The following SLC17A2 variants were observed in gnomAD, a reference collection of about 807,000 sequenced individuals.
SLC17A2 encodes the protein solute carrier family 17 member 2, also known as sodium-dependent phosphate transport protein 3.
In SLC17A2, 38 loss-of-function variants were observed where a neutral mutation model predicts 52.1. The ratio of observed to expected loss-of-function variants is 0.73; its 90% CI spans 0.56 to 0.96. The LOEUF is 0.96. Among genes scored for constraint, SLC17A2 ranks in the 40% least tolerant of loss-of-function variants. The pLI, the probability that SLC17A2 is intolerant of heterozygous loss-of-function variation, is 0.00. For synonymous variants in SLC17A2, 226 were observed against 211.9 expected, an observed-to-expected ratio of 1.07 and a Z score of -0.58; for missense variants, 508 against 583.9, an observed-to-expected ratio of 0.87 and a Z score of 1.34.
intron 1 of SLC17A2, among the ~76,000 whole-genome samples, chr6:25,926,661 A>G (rs1766775213): frequency 6.6e-6 from 1 of 152,234 alleles, no homozygotes; most frequent in Non-Finnish European, 1.5e-5. Context: ...AAAAATCCAT[A>G]TCCTAAGAAT....
chr6:25,920,862 C>G (rs1368669271), intron 5 of SLC17A2, 144 bp downstream of exon 5: 7 of 692,524 alleles, frequency 1.0e-5, no homozygotes, highest in African/African-American at 1.8e-5. Flanking sequence ...TGCATCTTTC[C>G]TATTTGTGAT....
Position 25,915,523 on chromosome 6 carries a change from A to G in SLC17A2, c.1187T>C (p.Ile396Thr), listed in dbSNP as rs749268414. 16 of 1,558,096 alleles carry G rather than the reference A, an allele frequency of 1.0e-5. No homozygotes were observed. The highest frequency in any genetic ancestry group is 1.4e-5 in the Non-Finnish European group (16 of 1,151,284). The change falls in exon 10 of 12, where the codon ATC becomes ACC. Residue 396 changes from isoleucine (I) to threonine (T), a missense_variant. Ile to Thr is a moderately conservative substitution (Grantham distance 89, BLOSUM62 -1). Transcript: ENST00000377850. ...CCTGGGGGCGATATCTAAGGTGTTG[A>G]TGATAAACCCTGAGTCACATAGGTT... The part of the protein sequence containing the change: ...TSNLCDSGFI[I>T]NTLDIAPRYA...
chr6:25,923,631 G>C, intron 3 of SLC17A2, 64 bp downstream of exon 3: 1 of 1,229,642 alleles, frequency 8.1e-7, no homozygotes, highest in Non-Finnish European at 1.2e-6. Flanking sequence ...ACAGAATCAA[G>C]ATCTATGCCT....
In SLC17A2 at chr6:25,921,087, C is replaced by A. The variant is rs774914326; in HGVS notation, c.481G>T (p.Ala161Ser). Reference protein sequence around the residue: ...RTVQGMAQGMAWTGQFTIWAK... With the variant: ...RTVQGMAQGMSWTGQFTIWAK... ...CAAATAGTAAACTGACCTGTCCATG[C>A]CATTCCCTGAAATGAAAATCATTAA... Residue 161 changes from alanine (A) to serine (S), a missense_variant, in exon 5 of 12, where the codon GCA (alanine) becomes TCA (serine). Transcript: ENST00000377850. The A allele has an allele frequency of 2.4e-5, 38 of 1,613,996 alleles. 1 individual carries two copies. The Admixed American group carries it at 6.0e-4, about 25-fold the overall frequency.
intron 2 of SLC17A2, among the ~76,000 whole-genome samples, chr6:25,924,702 G>A (rs1056192348): frequency 2.6e-5 from 4 of 151,826 alleles, no homozygotes; most frequent in Admixed American, 1.3e-4. Context: ...CCAGCTACTC[G>A]GGAGGCTGAG....
chr6:25,924,471 A>G (rs1260309008), intron 2 of SLC17A2, among the ~76,000 whole-genome samples: 2 of 151,118 alleles, frequency 1.3e-5, no homozygotes, highest in Non-Finnish European at 2.9e-5. Context: ...TGTTATTGCT[A>G]TGTGTCACTA....
chr6:25,923,751 G>A lies in SLC17A2; in HGVS notation c.184C>T (p.Pro62Ser), dbSNP rs757877371. ...GAGTTATTGAAGGCATCTGCAACAGGCCCCTCAGTGGAGGCATTAGATAGA... is the reference window on the plus strand; with the variant it reads ...GAGTTATTGAAGGCATCTGCAACAGACCCCTCAGTGGAGGCATTAGATAGA... ...QGLSNASTEG[P>S]VADAFNNSSI... Residue 62 changes from proline (P) to serine (S), a missense_variant, in exon 3 of 12, where the codon CCT (proline) becomes TCT (serine). Transcript: ENST00000377850. The A allele has an allele frequency of 1.2e-6, 2 of 1,614,108 alleles. No homozygotes were observed. Among genetic ancestry groups the A allele is most frequent in the South Asian group, 1.1e-5 (1 of 91,076 alleles).
In SLC17A2 at chr6:25,916,848, T is replaced by G; in HGVS notation, c.769-2A>C. On this transcript the variant is annotated splice_acceptor_variant, in intron 7 of 11. Coordinates refer to ENST00000377850, the MANE Select transcript of SLC17A2 (RefSeq NM_001286123.3). LOFTEE classifies it high-confidence loss of function. ...GACAGCTCGTCCAGGAGAACTGGGC[T>G]GAAAAGAAAGATCTAATCAGCATGA... The G allele has an allele frequency of 6.2e-7, 1 of 1,614,070 alleles. No individual in the cohort carries two copies.
chr6:25,915,618 C>CA lies in SLC17A2; in HGVS notation c.1091dup (p.Ala365GlyfsTer24). The CA allele has an allele frequency of 6.2e-7, 1 of 1,613,798 alleles. No homozygotes were observed. Among genetic ancestry groups the CA allele is most frequent in the Non-Finnish European group, 8.5e-7 (1 of 1,179,854 alleles). On this transcript the variant is annotated frameshift_variant, in exon 10 of 12. Transcript: ENST00000377850. LOFTEE classifies it high-confidence loss of function. ...AACTGGAGGCCACAAAGGGCAGGGC[C>CA]ACAGCACATATTGATGGAAGGAGGA...
chr6:25,916,378 G>A (rs1766318536), intron 8 of SLC17A2, among the ~76,000 whole-genome samples: 2 of 152,144 alleles, frequency 1.3e-5, no homozygotes, highest in Admixed American at 1.3e-4. Context: ...ACCATGCCTG[G>A]CCCAGCAATA....
rs757224207 is a variant in SLC17A2 at position 25,915,506 on chromosome 6, C to T, written c.1204G>A (p.Ala402Thr). 2.6e-5 allele frequency: 40 copies of T among 1,550,604 alleles called. No individual in the cohort carries two copies. Among genetic ancestry groups the T allele is most frequent in the Admixed American group, 1.6e-4 (8 of 50,966 alleles). The change falls in exon 10 of 12, where the codon GCC (alanine) becomes ACC (threonine). Residue 402 changes from alanine (A) to threonine (T), a missense_variant. Ala to Thr is a moderately conservative substitution (Grantham distance 58, BLOSUM62 0). Transcript: ENST00000377850. ...SGFIINTLDI[A>T]PRYASFLMGI... The stretch of plus-strand genomic sequence containing the variant: ...AACAGGTAGAGCTCTTACCTGGGGG[C>T]GATATCTAAGGTGTTGATGATAAAC...
At chr6:25,927,148 A>G (rs1189272932) in intron 1 of SLC17A2, among the ~76,000 whole-genome samples, 1 of 152,218 alleles carries the variant, frequency 6.6e-6, no homozygotes, top group African/African-American at 2.4e-5. Flanking sequence ...CACAAAATTT[A>G]AAAGACTTGT....
chr6:25,918,106 A>G (rs1766397697), intron 6 of SLC17A2, among the ~76,000 whole-genome samples: 1 of 152,266 alleles, frequency 6.6e-6, no homozygotes. Context: ...AATAATAATT[A>G]TAATGAAATA....
At chr6:25,914,521 T>C (rs1259811648) in intron 11 of SLC17A2, 59 bp downstream of exon 11, 1 of 1,056,482 alleles carries the variant, frequency 9.5e-7, no homozygotes, top group Admixed American at 1.7e-5. Flanking sequence ...GCACCGTGTG[T>C]ATCTCCAACA....
chr6:25,919,183 G>A (rs1295533682), intron 5 of SLC17A2, among the ~76,000 whole-genome samples: 2 of 152,062 alleles, frequency 1.3e-5, no homozygotes, highest in African/African-American at 2.4e-5. Context: ...TGCCTCAAAC[G>A]ATGGTTTCAT....
chr6:25,913,185 G>A lies in SLC17A2; in HGVS notation c.*132C>T, dbSNP rs150608042. ...TCCCAAGTATCAGTGTCTTATAAAG[G>A]CTCCCCAGGGAAGACTAACACACAG... On this transcript the variant is annotated 3_prime_UTR_variant, in exon 12 of 12. Transcript: ENST00000377850. The A allele has an allele frequency of 6.4e-6, 6 of 936,594 alleles. No individual in the cohort carries two copies. The highest frequency in any genetic ancestry group is 4.1e-5 in the Admixed American group (2 of 49,088). The allele number at this position is 936,594 out of a possible 1,614,324, so 58.0% of individuals were successfully genotyped here. A position where few individuals can be genotyped will look rare whatever the true frequency, so the allele number is the denominator to read the frequency against.
intron 6 of SLC17A2, 103 bp downstream of exon 6, chr6:25,918,384 A>C: frequency 2.7e-6 from 2 of 732,438 alleles, no homozygotes; most frequent in Non-Finnish European, 4.9e-6. Flanking sequence ...CTTCCATTTG[A>C]TAAAGGACAT....
chr6:25,925,621 A>G (rs751000601), intron 2 of SLC17A2, 148 bp downstream of exon 2: 1 of 789,716 alleles, frequency 1.3e-6, no homozygotes, highest in Admixed American at 1.8e-5. Flanking sequence ...GGCTAAGGAA[A>G]AAGCAACAGG....
At chr6:25,918,236 A>C (rs909326803) in intron 6 of SLC17A2, among the ~76,000 whole-genome samples, 6 of 152,260 alleles carry the variant, frequency 3.9e-5, no homozygotes, top group African/African-American at 1.4e-4. Flanking sequence ...ACAAGACTGC[A>C]TCACAAGTCG....
Sources: gnomAD v4.1 joint callset for allele counts (sites outside exome capture counted in the v4.1 genomes callset) on GRCh38, gnomAD v4.1.1 for gene constraint, MANE v1.5 for transcripts, NCBI Gene and HGNC (gene_info 2026-07-23, HGNC 2026-07-21) for gene names.